Variants in SNCG observed in about 807,000 individuals in gnomAD.
SNCG encodes the protein gamma-synuclein.
SNCG carries 13 observed loss-of-function variants against 16.0 expected under a neutral mutation model. The ratio of observed to expected loss-of-function variants is 0.81; its 90% confidence interval spans 0.53 to 1.29. SNCG has a LOEUF of 1.29. SNCG is among the 50% of genes most tolerant of loss of function. The pLI, the probability that SNCG is intolerant of heterozygous loss-of-function variation, is 0.00. For synonymous variants in SNCG, 66 were observed against 66.3 expected (o/e 1.00, Z 0.02); for missense variants, 154 against 168.5 (o/e 0.91, Z 0.48).
In SNCG at chr10:86,959,775, A is replaced by G. The variant is rs976012669; in HGVS notation, c.163+101A>G. 7.7e-7 allele frequency: 1 copy of G among 1,298,804 alleles called. No homozygotes were observed. Among genetic ancestry groups the G allele is most frequent in the Non-Finnish European group, 1.1e-6 (1 of 946,540 alleles). 80.5% of individuals were successfully genotyped at this position (1,298,804 alleles called of 1,614,324 possible). A position where few individuals can be genotyped will look rare whatever the true frequency, so the allele number is the denominator to read the frequency against. On this transcript the variant is annotated intron_variant, in intron 2 of 4. Coordinates refer to ENST00000372017, the MANE Select transcript of SNCG (RefSeq NM_003087.3). This position sits in a 1 kb window ranked among gnomAD's most constrained non-coding sequence, Gnocchi z 4.3. The stretch of plus-strand genomic sequence containing the variant: ...AACCTAGAGTCCTGCCTTACCCCCA[A>G]CTGGGGTCCCAAGCCCTACAGACCC...
chr10:86,956,263 C>T (rs1337680229), upstream of SNCG, among the ~76,000 whole-genome samples: 1 of 151,946 alleles, frequency 6.6e-6, no homozygotes, highest in Admixed American at 6.6e-5. Context: ...CCACTGTTCC[C>T]CACGCCACTG....
chr10:86,957,861 A>C, upstream of SNCG: 1 of 1,127,404 alleles, frequency 8.9e-7, no homozygotes, highest in Admixed American at 4.5e-5. Context: ...GAGCCATGAA[A>C]AGAGCGTGGA....
At chr10:86,961,137 A>AGTGG (rs1327104270) in intron 3 of SNCG, among the ~76,000 whole-genome samples, 1 of 143,724 alleles carries the variant, frequency 7.0e-6, no homozygotes, top group Non-Finnish European at 1.5e-5. Flanking sequence ...CTGCGTTAGG[A>AGTGG]GTGGGTGGGT....
upstream of SNCG, chr10:86,957,805 TG>T: frequency 7.9e-7 from 1 of 1,263,290 alleles, no homozygotes; most frequent in Non-Finnish European, 1.0e-6. Flanking sequence ...GTGGTAGACA[TG>T]GGGTGGCCCC....
At chr10:86,962,753 C>G in intron 4 of SNCG, 78 bp downstream of exon 4, 2 of 1,306,240 alleles carry the variant, frequency 1.5e-6, no homozygotes, top group Non-Finnish European at 2.1e-6. Context: ...CACTGCTTCC[C>G]TCCTGGGCTC....
intron 3 of SNCG, 101 bp downstream of exon 3, chr10:86,960,229 G>T: frequency 8.6e-7 from 1 of 1,167,630 alleles, no homozygotes; most frequent in Non-Finnish European, 1.2e-6. Context: ...GAAACAACAC[G>T]GGGGGCTGCG....
rs73334929 is a variant in SNCG, at chr10:86,962,469, C to T, written c.292-135C>T. On this transcript the variant is annotated intron_variant, in intron 3 of 4. Coordinates refer to ENST00000372017, the MANE Select transcript of SNCG (RefSeq NM_003087.3). ...AATTGCACGCCCCCAATACCTCCAG[C>T]CCCTCCAAGTACAACAAGGCCACGA... 3.9e-3 allele frequency: 2,388 copies of T among 607,476 alleles called. 50 individuals carry two copies. The African/African-American group carries it at 0.04, about 10-fold the overall frequency. The allele number at this position is 607,476 out of a possible 1,614,324, so 37.6% of individuals were successfully genotyped here.
rs1452743974 is a variant in SNCG, at chr10:86,960,021, C to G, written c.184C>G (p.Gln62Glu). ...CATAGTGGCCGAGAAGACCAAGGAG[C>G]AGGCCAACGCCGTGAGCGAGGCTGT... Reference protein sequence around the residue: ...VTSVAEKTKEQANAVSEAVVS... With the variant: ...VTSVAEKTKEEANAVSEAVVS... The change falls in exon 3 of 5, where the codon CAG becomes GAG. Residue 62 changes from glutamine to glutamate, a missense_variant. Physicochemically the swap from Gln to Glu is conservative, Grantham distance 29. Coordinates refer to ENST00000372017, the MANE Select transcript of SNCG (RefSeq NM_003087.3). 1 of 1,605,808 alleles carries G rather than the reference C, an allele frequency of 6.2e-7. No individual in the cohort carries two copies. The highest frequency in any genetic ancestry group is 1.3e-5 in the African/African-American group (1 of 74,858).
At chr10:86,957,875 C>T (rs980006645), upstream of SNCG, 10 of 1,104,898 alleles carry the variant, frequency 9.1e-6, no homozygotes, top group South Asian at 6.2e-5. Context: ...GCGTGGACTT[C>T]GAGGTGGGGC....
chr10:86,958,620 CG>C lies in SNCG; in HGVS notation c.-77del, dbSNP rs1360116381. 1.2e-5 allele frequency: 19 copies of C among 1,594,448 alleles called. No homozygotes were observed. Among genetic ancestry groups the C allele is most frequent in the Non-Finnish European group, 1.5e-5 (18 of 1,171,676 alleles). ...CGGGGACAGCCGCTGCGGCAGCACTCGAGCCAGCTCAAGCCCGCAGCTCGCA... is the reference window on the plus strand; with the variant it reads ...CGGGGACAGCCGCTGCGGCAGCACTCAGCCAGCTCAAGCCCGCAGCTCGCA... On this transcript the variant is annotated 5_prime_UTR_variant, in exon 1 of 5. Transcript: ENST00000372017.
chr10:86,961,866 C>CT (rs35366534), intron 3 of SNCG, among the ~76,000 whole-genome samples: 54,909 of 152,088 alleles, frequency 0.36, 10,804 homozygotes, highest in African/African-American at 0.51. Context: ...GTATCCCCGC[C>CT]TCCCCCCCGT....
At chr10:86,962,874 G>A in intron 4 of SNCG, 91 bp from the exon 5 acceptor site, 1 of 1,448,358 alleles carries the variant, frequency 6.9e-7, no homozygotes, top group Non-Finnish European at 9.4e-7. Flanking sequence ...CTCAGGCATG[G>A]GGCACAGAAG....
At chr10:86,957,976 C>A, upstream of SNCG, 1 of 1,019,378 alleles carries the variant, frequency 9.8e-7, no homozygotes, top group Non-Finnish European at 1.2e-6. Context: ...CTCCTCAGCA[C>A]CTTCAGCACT....
At chr10:86,956,339 C>T (rs1460564381), upstream of SNCG, among the ~76,000 whole-genome samples, 1 of 152,212 alleles carries the variant, frequency 6.6e-6, no homozygotes, top group Admixed American at 6.5e-5. Context: ...GGAAAGCACC[C>T]AACAAACCTG....
chr10:86,960,594 G>T (rs1209391376), intron 3 of SNCG, among the ~76,000 whole-genome samples: 1 of 152,162 alleles, frequency 6.6e-6, no homozygotes, highest in African/African-American at 2.4e-5. Flanking sequence ...GGGAAGTAGC[G>T]TCCCCTAGTG....
chr10:86,957,424 C>T (rs1402935604), upstream of SNCG: 5 of 1,613,518 alleles, frequency 3.1e-6, no homozygotes, highest in East Asian at 2.2e-5. Flanking sequence ...GCCTTCCAGA[C>T]CCCAGGTGTC....
intron 3 of SNCG, among the ~76,000 whole-genome samples, 199 bp from the exon 4 acceptor site, chr10:86,962,405 G>C (rs1397860004): frequency 1.3e-5 from 2 of 152,228 alleles, no homozygotes; most frequent in Admixed American, 6.5e-5. Flanking sequence ...TGGTGCCCCT[G>C]GAAGGCCTCG....
chr10:86,959,304 G>A lies in SNCG; in HGVS notation c.122-329G>A. On this transcript the variant is annotated intron_variant, in intron 1 of 4. Transcript: ENST00000372017. The surrounding 1 kb of genome is among the most constrained non-coding windows in gnomAD (Gnocchi z 4.3). The stretch of plus-strand genomic sequence containing the variant: ...CTCCAGAGGAGGAAGGGGAGGTCAA[G>A]CCAATGACTCAGCTCTGGCCCATCC... 4.2e-6 allele frequency: 2 copies of A among 477,362 alleles called. No homozygotes were observed. Among genetic ancestry groups the A allele is most frequent in the Non-Finnish European group, 7.4e-6 (2 of 269,332 alleles). 29.6% of individuals were successfully genotyped at this position (477,362 alleles called of 1,614,324 possible).
rs1054865333 is a variant in SNCG, at chr10:86,960,113, C to A, written c.276C>A (p.Ser92=). 6.2e-7 allele frequency: 1 copy of A among 1,612,504 alleles called. No homozygotes were observed. ...VEEAENIAVT[S]GVVRKEDLRP... Reference sequence around the variant, plus strand: ...AGGCGGAGAACATCGCGGTCACCTCCGGGGTGGTGCGCAAGGTGAGCCCCG... The same window carrying A: ...AGGCGGAGAACATCGCGGTCACCTCAGGGGTGGTGCGCAAGGTGAGCCCCG... Residue 92 remains serine, a synonymous_variant, in exon 3 of 5, where the codon TCC becomes TCA. Coordinates refer to ENST00000372017, the MANE Select transcript of SNCG (RefSeq NM_003087.3).
Sources: allele counts gnomAD v4.1 joint callset (sites outside exome capture counted in the v4.1 genomes callset), GRCh38; gene constraint gnomAD v4.1.1; non-coding constraint Gnocchi (gnomAD v3.1); transcripts MANE v1.5; gene names NCBI Gene and HGNC (gene_info 2026-07-23, HGNC 2026-07-21).